Variants in CCDC124 observed in about 807,000 individuals in gnomAD.
The protein encoded by CCDC124 is coiled-coil domain containing 124.
A neutral mutation model predicts 19.8 loss-of-function variants in CCDC124; 9 were observed. The observed-to-expected ratio is 0.45, with a 90% confidence interval of 0.27 to 0.79. The LOEUF (loss-of-function observed/expected upper bound fraction) is 0.79. Ranked by LOEUF, CCDC124 falls within the 30% of genes least tolerant of loss-of-function variation. The pLI is 0.14. For missense variants in CCDC124, 285 were observed against 319.0 expected, an observed-to-expected ratio of 0.89 and a Z score of 0.81; for synonymous variants, 126 against 131.3, an observed-to-expected ratio of 0.96 and a Z score of 0.27.
chr19:17,936,778 C>A, intron 2 of CCDC124, 199 bp downstream of exon 2: 1 of 560,288 alleles, frequency 1.8e-6, no homozygotes, highest in East Asian at 3.1e-5. Context: ...GTCAGGAGTT[C>A]AAGATCAGCC....
chr19:17,941,934 T>C (rs1477711404), intron 2 of CCDC124, among the ~76,000 whole-genome samples: 1 of 152,066 alleles, frequency 6.6e-6, no homozygotes, highest in Non-Finnish European at 1.5e-5. Context: ...TGCCAGGCAG[T>C]GGGCAGAGTA....
At chr19:17,935,949 G>A (rs1203763256) in intron 1 of CCDC124, among the ~76,000 whole-genome samples, 1 of 151,818 alleles carries the variant, frequency 6.6e-6, no homozygotes, top group African/African-American at 2.4e-5. Context: ...CTGTCGCCCA[G>A]GCTGGAGTGC....
At position 17,934,238 on chromosome 19, in the gene CCDC124, T is replaced by G. The variant is rs1014181790; in HGVS notation, c.-12+1190T>G. Among the ~76,000 whole-genome samples, 2 of 151,240 alleles carry G rather than the reference T, an allele frequency of 1.3e-5. 1 individual carries two copies. Among genetic ancestry groups the G allele is most frequent in the Non-Finnish European group, 2.9e-5 (2 of 67,932 alleles). On this transcript the variant is annotated intron_variant, in intron 1 of 4. Coordinates refer to ENST00000445755, the MANE Select transcript of CCDC124 (RefSeq NM_001136203.2). ...CCCATCTCTATAAAAATACAAAAAT[T>G]AGCCGGGCGTGGTGGCAGGTGCCTG...
Position 17,943,500 on chromosome 19 carries a change from A to G in CCDC124, c.465-8A>G, listed in dbSNP as rs1424193613. 2 of 1,608,664 alleles carry G rather than the reference A, an allele frequency of 1.2e-6. No homozygotes were observed. Among genetic ancestry groups the G allele is most frequent in the Non-Finnish European group, 8.5e-7 (1 of 1,178,850 alleles). On this transcript the variant is annotated splice_region_variant and splice_polypyrimidine_tract_variant and intron_variant, in intron 4 of 4. Transcript: ENST00000445755. The stretch of plus-strand genomic sequence containing the variant: ...CCAAGGCCCCCTGACGCTCATGTCC[A>G]CCCCCAGCGTGGCGGAGGAGGCGGC...
Position 17,943,241 on chromosome 19 carries a change from T to TCGGGGGGGGCCCC in CCDC124, c.350-19_350-18insGGGGGGGGCCCCC. The stretch of plus-strand genomic sequence containing the variant: ...CTTTGCTTATCTCTCTCTGTCTCTG[T>TCGGGGGGGGCCCC]CACCCACCCACCCGCCCAGCCGAGA... On this transcript the variant is annotated intron_variant, in intron 3 of 4. Transcript: ENST00000445755. 3.7e-5 allele frequency: 27 copies of TCGGGGGGGGCCCC among 736,678 alleles called. No homozygotes were observed. Among genetic ancestry groups the TCGGGGGGGGCCCC allele is most frequent in the Non-Finnish European group, 6.5e-5 (27 of 414,970 alleles). 45.6% of individuals were successfully genotyped at this position (736,678 alleles called of 1,614,324 possible).
intron 3 of CCDC124, 72 bp from the exon 4 acceptor site, chr19:17,943,189 C>T (rs1222380460): frequency 1.6e-6 from 2 of 1,249,706 alleles, no homozygotes; most frequent in Non-Finnish European, 2.3e-6. Flanking sequence ...TTGCCAGTCT[C>T]TATCTCATCT....
chr19:17,941,991 C>T (rs1043496098), intron 2 of CCDC124, among the ~76,000 whole-genome samples: 2 of 152,088 alleles, frequency 1.3e-5, no homozygotes, highest in African/African-American at 4.8e-5. Context: ...TGGGCTTGCT[C>T]GGCCCCCTGG....
At chr19:17,938,552 C>A (rs925683704) in intron 2 of CCDC124, among the ~76,000 whole-genome samples, 1 of 152,132 alleles carries the variant, frequency 6.6e-6, no homozygotes, top group African/African-American at 2.4e-5. Context: ...ATGCCCAGTT[C>A]TTGGGGGGAA....
In CCDC124 at chr19:17,943,905, C is replaced by T. The variant is rs1848705252; in HGVS notation, c.*190C>T. Reference sequence around the variant, plus strand: ...TCCCTGCCCCGAGTGACACCCCATCCCCTCCCATCCCCCGGCGCGTGTGTG... The same window carrying T: ...TCCCTGCCCCGAGTGACACCCCATCTCCTCCCATCCCCCGGCGCGTGTGTG... On this transcript the variant is annotated 3_prime_UTR_variant, in exon 5 of 5. Transcript: ENST00000445755. The T allele has an allele frequency of 3.3e-6, 2 of 610,622 alleles. No individual in the cohort carries two copies. Among genetic ancestry groups the T allele is most frequent in the Admixed American group, 2.9e-5 (1 of 34,022 alleles). The allele number at this position is 610,622 out of a possible 1,614,324, so 37.8% of individuals were successfully genotyped here. A position where few individuals can be genotyped will look rare whatever the true frequency, so the allele number is the denominator to read the frequency against.
rs980632246 is a variant in CCDC124, at chr19:17,942,150, A to T, written c.160-506A>T. On this transcript the variant is annotated intron_variant, in intron 2 of 4. Coordinates refer to ENST00000445755, the MANE Select transcript of CCDC124 (RefSeq NM_001136203.2). This position sits in a 1 kb window ranked among gnomAD's most constrained non-coding sequence, Gnocchi z 4.2. The stretch of plus-strand genomic sequence containing the variant: ...AAACGTGGACAGTGCTGCCCGACTC[A>T]TAAGGGCAGAGCCCCTGCCCTAGCC... 1.3e-5 allele frequency among the ~76,000 whole-genome samples: 2 copies of T among 152,134 alleles called. No homozygotes were observed. Among genetic ancestry groups the T allele is most frequent in the East Asian group, 3.9e-4 (2 of 5,192 alleles).
At chr19:17,938,120 G>C (rs2031102994) in intron 2 of CCDC124, among the ~76,000 whole-genome samples, 1 of 151,978 alleles carries the variant, frequency 6.6e-6, no homozygotes, top group Non-Finnish European at 1.5e-5. Context: ...TGAGAGGATT[G>C]CTTGAGGCCA....
intron 2 of CCDC124, among the ~76,000 whole-genome samples, chr19:17,940,461 A>T (rs558749558): frequency 1.7e-3 from 260 of 152,256 alleles, no homozygotes; most frequent in African/African-American, 6.0e-3. Flanking sequence ...GTGTGGCTGC[A>T]TGCCCATAAA....
At chr19:17,939,866 T>A (rs8110033) in intron 2 of CCDC124, among the ~76,000 whole-genome samples, 5 of 150,318 alleles carry the variant, frequency 3.3e-5, no homozygotes, top group South Asian at 2.1e-4. Flanking sequence ...CAAGTGATCC[T>A]TCCACCTCGG....
chr19:17,942,838 G>A lies in CCDC124; in HGVS notation c.342G>A (p.Pro114=), dbSNP rs1821496779. The change falls in exon 3 of 5, where the codon CCG becomes CCA. Residue 114 remains proline, a synonymous_variant. Transcript: ENST00000445755. The surrounding 1 kb of genome is among the most constrained non-coding windows in gnomAD (Gnocchi z 4.2). The part of the protein sequence containing the change: ...LRRDHQLREA[P]DTAEKAKSHL... ...GAGACCATCAGCTCAGGGAGGCCCC[G>A]GACACAGGTCGGGCGGCATCCCGCT... is the stretch of plus-strand genomic sequence containing the variant. The A allele has an allele frequency of 1.3e-6, 2 of 1,511,320 alleles. No individual in the cohort carries two copies. The highest frequency in any genetic ancestry group is 1.8e-6 in the Non-Finnish European group (2 of 1,129,762). The allele number at this position is 1,511,320 out of a possible 1,614,324, so 93.6% of individuals were successfully genotyped here. A position where few individuals can be genotyped will look rare whatever the true frequency, so the allele number is the denominator to read the frequency against.
Position 17,943,250 on chromosome 19 carries a change from C to A in CCDC124, c.350-11C>A. 44 of 886,582 alleles carry A rather than the reference C, an allele frequency of 5.0e-5. No individual in the cohort carries two copies. The highest frequency in any genetic ancestry group is 6.8e-5 in the Non-Finnish European group (38 of 561,000). 54.9% of individuals were successfully genotyped at this position (886,582 alleles called of 1,614,324 possible). A position where few individuals can be genotyped will look rare whatever the true frequency, so the allele number is the denominator to read the frequency against. ...TCTCTCTCTGTCTCTGTCACCCACC[C>A]ACCCGCCCAGCCGAGAAAGCCAAGA... On this transcript the variant is annotated splice_polypyrimidine_tract_variant and intron_variant, in intron 3 of 4. Transcript: ENST00000445755.
At position 17,942,528 on chromosome 19, in the gene CCDC124, T is replaced by A; in HGVS notation, c.160-128T>A. 9.4e-7 allele frequency: 1 copy of A among 1,058,986 alleles called. No homozygotes were observed. Among genetic ancestry groups the A allele is most frequent in the South Asian group, 1.6e-5 (1 of 61,204 alleles). The allele number at this position is 1,058,986 out of a possible 1,614,324, so 65.6% of individuals were successfully genotyped here. On this transcript the variant is annotated intron_variant, in intron 2 of 4. Coordinates refer to ENST00000445755, the MANE Select transcript of CCDC124 (RefSeq NM_001136203.2). The surrounding 1 kb of genome is among the most constrained non-coding windows in gnomAD (Gnocchi z 4.2). ...GCAGCACCGGGACCTATCTTGTTCCTGGTATGTCCCCTGCACCCAGCACAG... is the reference window on the plus strand; with the variant it reads ...GCAGCACCGGGACCTATCTTGTTCCAGGTATGTCCCCTGCACCCAGCACAG...
chr19:17,938,566 G>A (rs1464590220), intron 2 of CCDC124, among the ~76,000 whole-genome samples: 4 of 152,046 alleles, frequency 2.6e-5, no homozygotes, highest in African/African-American at 9.7e-5. Context: ...GGGGGAATCT[G>A]GACATTCCCA....
At chr19:17,937,998 G>A (rs952697543) in intron 2 of CCDC124, among the ~76,000 whole-genome samples, 30 of 152,148 alleles carry the variant, frequency 2.0e-4, no homozygotes, top group African/African-American at 7.0e-4. Flanking sequence ...CTCCCAAAAT[G>A]CTGAGATCAC....
At chr19:17,943,415 T>C (rs2031235720) in intron 4 of CCDC124, 40 bp downstream of exon 4, 15 of 1,102,158 alleles carry the variant, frequency 1.4e-5, no homozygotes, top group Non-Finnish European at 1.9e-5. Flanking sequence ...GGGGTGGAGC[T>C]GGTCATCGGG....
Sources: allele counts gnomAD v4.1 joint callset (sites outside exome capture counted in the v4.1 genomes callset), GRCh38; gene constraint gnomAD v4.1.1; non-coding constraint Gnocchi (gnomAD v3.1); transcripts MANE v1.5; gene names NCBI Gene and HGNC (gene_info 2026-07-23, HGNC 2026-07-21).